ACTR3: variants seen among roughly 807,000 people sequenced by gnomAD.
ACTR3 encodes actin related protein 3.
ACTR3 carries 12 observed loss-of-function variants against 56.8 expected under a neutral mutation model. The observed-to-expected ratio is 0.21, with a 90% CI of 0.14 to 0.34. The LOEUF (loss-of-function observed/expected upper bound fraction) is 0.34. Among genes scored for constraint, ACTR3 ranks in the 10% least tolerant of loss-of-function variants. ACTR3 has a pLI of 1.00. For missense variants in ACTR3, 282 were observed against 512.5 expected, an observed-to-expected ratio of 0.55 and a Z score of 4.34; for synonymous variants, 162 against 167.4, an observed-to-expected ratio of 0.97 and a Z score of 0.25.
intron 1 of ACTR3, among the ~76,000 whole-genome samples, chr2:113,912,876 A>G (rs1574358917): frequency 6.6e-6 from 1 of 150,920 alleles, no homozygotes; most frequent in South Asian, 2.1e-4. Context: ...TATTTAGGTT[A>G]TTTCCAGTCT....
intron 5 of ACTR3, among the ~76,000 whole-genome samples, chr2:113,933,268 T>C (rs1434155418): frequency 1.3e-5 from 2 of 152,166 alleles, no homozygotes; most frequent in East Asian, 1.9e-4. Context: ...CCCAGCACTT[T>C]GGCAGGCTGA....
At chr2:113,949,836 T>TATAG (rs1680089982) in intron 8 of ACTR3, among the ~76,000 whole-genome samples, 1 of 152,240 alleles carries the variant, frequency 6.6e-6, no homozygotes, top group Non-Finnish European at 1.5e-5. Context: ...GCACTGGGAT[T>TATAG]ATAGGTGTGA....
chr2:113,905,124 A>G (rs1679169819), intron 1 of ACTR3: 2 of 152,178 alleles, frequency 1.3e-5, no homozygotes, highest in South Asian at 4.1e-4. Context: ...CTCCAGGGTT[A>G]TAAACTATAT....
At chr2:113,902,140 A>C (rs1679111124) in intron 1 of ACTR3, among the ~76,000 whole-genome samples, 1 of 152,110 alleles carries the variant, frequency 6.6e-6, no homozygotes, top group Non-Finnish European at 1.5e-5. Flanking sequence ...CCCCAAATCC[A>C]CTTCCCCTTT....
At chr2:113,915,398 A>G (rs893897033) in intron 2 of ACTR3, among the ~76,000 whole-genome samples, 28 of 152,144 alleles carry the variant, frequency 1.8e-4, no homozygotes, top group African/African-American at 5.8e-4. Context: ...TTCTATGAGG[A>G]CACTAGTCAT....
At chr2:113,917,103 A>G (rs1043807405) in intron 3 of ACTR3, 95 bp downstream of exon 3, 25 of 1,038,096 alleles carry the variant, frequency 2.4e-5, no homozygotes, top group Non-Finnish European at 3.1e-5. Flanking sequence ...GACCTTATTA[A>G]TATCCTCAAA....
intron 1 of ACTR3, 80 bp downstream of exon 1, chr2:113,890,403 GA>G: frequency 7.1e-7 from 1 of 1,410,838 alleles, no homozygotes. Flanking sequence ...GCCGGGAAAT[GA>G]ATGGTGCGGC....
In ACTR3 at chr2:113,960,645, A is replaced by G. The variant is rs1000388625; in HGVS notation, c.*3190A>G. ...CTCTTCATTCTGGGCTAATCTGTCA[A>G]TACTGAAGTCCAGTCTTTTCCCCCT... On this transcript the variant is annotated 3_prime_UTR_variant, in exon 12 of 12. Coordinates refer to ENST00000263238, the MANE Select transcript of ACTR3 (RefSeq NM_005721.5). 6.6e-5 allele frequency: 10 copies of G among 152,000 alleles called. No individual in the cohort carries two copies. The highest frequency in any genetic ancestry group is 5.9e-4 in the Admixed American group (9 of 15,238). 9.4% of individuals were successfully genotyped at this position (152,000 alleles called of 1,614,324 possible).
At chr2:113,894,193 A>T (rs1678960882) in intron 1 of ACTR3, among the ~76,000 whole-genome samples, 1 of 151,572 alleles carries the variant, frequency 6.6e-6, no homozygotes, top group South Asian at 2.1e-4. Context: ...TCCTGGGTTC[A>T]GGTGATTTTC....
chr2:113,917,034 A>C, intron 3 of ACTR3, 26 bp downstream of exon 3: 1 of 1,570,732 alleles, frequency 6.4e-7, no homozygotes, highest in South Asian at 1.2e-5. Flanking sequence ...TTGTATAAAT[A>C]ACATTTTCAA....
At chr2:113,934,455 T>C in intron 6 of ACTR3, 69 bp downstream of exon 6, 1 of 1,037,556 alleles carries the variant, frequency 9.6e-7, no homozygotes, top group Non-Finnish European at 1.4e-6. Context: ...ATTATACGAA[T>C]TAATGTTACT....
intron 1 of ACTR3, among the ~76,000 whole-genome samples, chr2:113,900,575 G>C (rs745589103): frequency 6.6e-6 from 1 of 152,154 alleles, no homozygotes; most frequent in African/African-American, 2.4e-5. Flanking sequence ...GGAAGGAAAT[G>C]TTTACCAAAT....
intron 1 of ACTR3, among the ~76,000 whole-genome samples, chr2:113,902,599 G>GTTTT (rs35712512): frequency 1.4e-5 from 2 of 146,614 alleles, no homozygotes; most frequent in Non-Finnish European, 1.5e-5. Context: ...TTTTGGTTTA[G>GTTTT]TTTTTTTTTT....
At chr2:113,921,605 C>T (rs912876684) in intron 3 of ACTR3, among the ~76,000 whole-genome samples, 1 of 152,024 alleles carries the variant, frequency 6.6e-6, no homozygotes, top group Non-Finnish European at 1.5e-5. Flanking sequence ...AGTTTTGGGT[C>T]TTAGATTTAA....
chr2:113,950,663 T>C (rs948191935), intron 8 of ACTR3, among the ~76,000 whole-genome samples: 6 of 152,222 alleles, frequency 3.9e-5, no homozygotes, highest in Admixed American at 1.3e-4. Context: ...AACAAGGCTA[T>C]AGTAAATATG....
At chr2:113,923,758 A>G (rs1424239867) in intron 3 of ACTR3, among the ~76,000 whole-genome samples, 4 of 150,796 alleles carry the variant, frequency 2.7e-5, no homozygotes, top group Non-Finnish European at 5.9e-5. Flanking sequence ...TCTTCTCATA[A>G]AATGGGGTGA....
At chr2:113,947,600 G>C (rs1680044001) in intron 8 of ACTR3, among the ~76,000 whole-genome samples, 1 of 152,180 alleles carries the variant, frequency 6.6e-6, no homozygotes, top group African/African-American at 2.4e-5. Context: ...GCTGCAACGA[G>C]CTGGCATTGC....
chr2:113,939,085 G>A (rs1679879462), intron 6 of ACTR3, among the ~76,000 whole-genome samples: 1 of 150,844 alleles, frequency 6.6e-6, no homozygotes, highest in African/African-American at 2.4e-5. Flanking sequence ...GTGCAGTGGT[G>A]CGATCTCGAC....
intron 1 of ACTR3, among the ~76,000 whole-genome samples, chr2:113,909,634 T>G (rs896150227): frequency 1.3e-5 from 2 of 150,516 alleles, no homozygotes; most frequent in Admixed American, 6.6e-5. Context: ...TTTTTTTTTT[T>G]GGGAGGGTGC....
Sources: allele counts gnomAD v4.1 joint callset (sites outside exome capture counted in the v4.1 genomes callset), GRCh38; gene constraint gnomAD v4.1.1; transcripts MANE v1.5; gene names NCBI Gene and HGNC (gene_info 2026-07-23, HGNC 2026-07-21).